The following NAALADL2 variants were observed in gnomAD, a reference collection of about 807,000 sequenced individuals.
The protein encoded by NAALADL2 is inactive N-acetylated-alpha-linked acidic dipeptidase-like protein 2.
Under a neutral mutation model 87.2 loss-of-function variants are expected in NAALADL2, and 76 were observed. That is an observed-to-expected ratio of 0.87 (90% CI 0.72 to 1.05). The LOEUF is 1.05. Ranked by LOEUF, NAALADL2 falls within the 50% of genes least tolerant of loss-of-function variation. NAALADL2 has a pLI of 0.00. For synonymous variants in NAALADL2, 354 were observed against 331.0 expected, an observed-to-expected ratio of 1.07 and a Z score of -0.75; for missense variants, 1,089 against 945.8, an observed-to-expected ratio of 1.15 and a Z score of -1.99.
At chr3:174,637,636 T>C (rs191352044) in intron 2 of NAALADL2, among the ~76,000 whole-genome samples, 79 of 152,214 alleles carry the variant, frequency 5.2e-4, no homozygotes, top group Non-Finnish European at 9.4e-4. Flanking sequence ...AGTTAAATAA[T>C]GGAAAGCATA....
At chr3:175,481,365 G>GTGTGTGTGTGTGTGTA (rs1553906602) in intron 9 of NAALADL2, among the ~76,000 whole-genome samples, 1 of 147,240 alleles carries the variant, frequency 6.8e-6, no homozygotes, top group African/African-American at 2.6e-5. Context: ...GTGTGTGTGT[G>GTGTGTGTGTGTGTGTA]TATATAGCTG....
chr3:175,696,971 C>G lies in NAALADL2; in HGVS notation c.1897-40335C>G, dbSNP rs116133771. ...TTAATTCATTCATGAGGGTGGCACA[C>G]TCATGACCTAATGACTACTCAAAAG... On this transcript the variant is annotated intron_variant, in intron 11 of 13. Coordinates refer to ENST00000454872, the MANE Select transcript of NAALADL2 (RefSeq NM_207015.3). Among the ~76,000 whole-genome samples, 543 of 152,172 alleles carry G rather than the reference C, an allele frequency of 3.6e-3. 2 individuals are homozygous for G. The highest frequency in any genetic ancestry group is 0.012 in the African/African-American group (512 of 41,514).
chr3:175,118,900 A>T (rs1725699639), intron 2 of NAALADL2, among the ~76,000 whole-genome samples: 1 of 151,696 alleles, frequency 6.6e-6, no homozygotes. Context: ...TATGTTGTTA[A>T]TATGGTCCAT....
intron 1 of NAALADL2, among the ~76,000 whole-genome samples, chr3:175,030,971 C>T (rs1752735325): frequency 6.6e-6 from 1 of 151,856 alleles, no homozygotes; most frequent in Non-Finnish European, 1.5e-5. Flanking sequence ...CAAGCCATAT[C>T]AGTATTCTTC....
intron 1 of NAALADL2, among the ~76,000 whole-genome samples, chr3:174,469,823 G>A (rs1168756172): frequency 6.6e-6 from 1 of 152,062 alleles, no homozygotes; most frequent in African/African-American, 2.4e-5. Context: ...AGACATATCA[G>A]TTCCTTTGGT....
At chr3:174,786,363 T>A (rs886099728) in intron 3 of NAALADL2, among the ~76,000 whole-genome samples, 3 of 149,622 alleles carry the variant, frequency 2.0e-5, no homozygotes, top group Admixed American at 6.7e-5. Context: ...AGGTAGGAGA[T>A]GTGCTTGAAC....
intron 9 of NAALADL2, among the ~76,000 whole-genome samples, chr3:175,540,572 G>A (rs1712133934): frequency 1.3e-5 from 2 of 152,108 alleles, no homozygotes; most frequent in Non-Finnish European, 2.9e-5. Flanking sequence ...TGCTGGGTGA[G>A]GCTATGAAGC....
intron 3 of NAALADL2, among the ~76,000 whole-genome samples, chr3:175,253,993 G>A (rs751050732): frequency 5.3e-5 from 8 of 152,032 alleles, no homozygotes; most frequent in African/African-American, 1.4e-4. Context: ...TCCAATTCCC[G>A]GGAACATTGT....
intron 9 of NAALADL2, 93 bp from the exon 10 acceptor site, chr3:175,575,948 C>A (rs1183487119): frequency 4.9e-6 from 5 of 1,023,638 alleles, no homozygotes; most frequent in African/African-American, 1.6e-5. Context: ...GACATTGATG[C>A]TGCTGATCTG....
At chr3:174,570,233 G>A (rs1023098178) in intron 2 of NAALADL2, among the ~76,000 whole-genome samples, 2 of 151,574 alleles carry the variant, frequency 1.3e-5, no homozygotes, top group African/African-American at 4.8e-5. Flanking sequence ...CCCATGGGAG[G>A]GCAAGCCTGG....
At chr3:175,311,736 T>C (rs530394110) in intron 4 of NAALADL2, among the ~76,000 whole-genome samples, 11 of 148,284 alleles carry the variant, frequency 7.4e-5, no homozygotes, top group Non-Finnish European at 1.5e-4. Context: ...CCTTCTTTCC[T>C]CCCTCCCTTC....
intron 4 of NAALADL2, among the ~76,000 whole-genome samples, chr3:175,322,181 C>T (rs912507417): frequency 4.7e-4 from 71 of 151,214 alleles, no homozygotes; most frequent in South Asian, 1.5e-3. Flanking sequence ...AGAAATAATG[C>T]CGCATACCTA....
At chr3:174,647,645 A>G (rs1299423100) in intron 2 of NAALADL2, among the ~76,000 whole-genome samples, 3 of 152,180 alleles carry the variant, frequency 2.0e-5, no homozygotes, top group Non-Finnish European at 4.4e-5. Context: ...GGTGTGGGGA[A>G]CCTGACTATT....
At chr3:175,455,704 G>C (rs1366498763) in intron 6 of NAALADL2, among the ~76,000 whole-genome samples, 1 of 152,044 alleles carries the variant, frequency 6.6e-6, no homozygotes, top group Non-Finnish European at 1.5e-5. Context: ...TGATGGCAGA[G>C]AATCTAGAAG....
At chr3:174,642,639 A>G (rs1723333561) in intron 2 of NAALADL2, among the ~76,000 whole-genome samples, 1 of 151,658 alleles carries the variant, frequency 6.6e-6, no homozygotes, top group African/African-American at 2.4e-5. Flanking sequence ...CCTTGGGCTA[A>G]TAAGAACCAT....
chr3:175,638,870 C>G (rs1271004637), intron 11 of NAALADL2, among the ~76,000 whole-genome samples: 1 of 151,800 alleles, frequency 6.6e-6, no homozygotes, highest in African/African-American at 2.4e-5. Flanking sequence ...AAATATTGAC[C>G]CTGCCAACGT....
chr3:174,964,835 A>T (rs916074148), intron 1 of NAALADL2, among the ~76,000 whole-genome samples: 3 of 151,372 alleles, frequency 2.0e-5, no homozygotes, highest in African/African-American at 4.9e-5. Context: ...AACAATTTAT[A>T]TATATTTGTG....
chr3:175,374,873 CAAAT>C (rs35005055), intron 5 of NAALADL2, among the ~76,000 whole-genome samples: 25,187 of 146,922 alleles, frequency 0.17, 2,169 homozygotes, highest in Middle Eastern at 0.23. Context: ...GACCCTGTCG[CAAAT>C]AAATAAATAA....
intron 2 of NAALADL2, among the ~76,000 whole-genome samples, chr3:175,197,670 A>G (rs1244512513): frequency 6.6e-6 from 1 of 152,032 alleles, no homozygotes; most frequent in Non-Finnish European, 1.5e-5. Context: ...ACAACTCTAT[A>G]CACCAGGCAT....
Sources: allele counts gnomAD v4.1 joint callset (sites outside exome capture counted in the v4.1 genomes callset), GRCh38; gene constraint gnomAD v4.1.1; transcripts MANE v1.5; gene names NCBI Gene and HGNC (gene_info 2026-07-23, HGNC 2026-07-21).